HYCC1: variants seen among roughly 807,000 people sequenced by gnomAD.
HYCC1 encodes the protein hyccin PI4KA lipid kinase complex subunit 1.
At chr7:23,003,523 C>A in the HYCC1 span, among the ~76,000 whole-genome samples, 1 of 152,192 alleles carries the variant, frequency 6.6e-6, no homozygotes, top group Admixed American at 6.5e-5. Context: ...CTATCAATAA[C>A]CCCTCTTTCC....
At chr7:22,952,718 T>G in the HYCC1 span, among the ~76,000 whole-genome samples, 1 of 151,932 alleles carries the variant, frequency 6.6e-6, no homozygotes, top group Non-Finnish European at 1.5e-5. Context: ...GAGCATAAAC[T>G]GTGTCCCAAG....
chr7:22,964,709 C>A, the HYCC1 span, among the ~76,000 whole-genome samples: 2 of 152,024 alleles, frequency 1.3e-5, no homozygotes, highest in African/African-American at 4.8e-5. Context: ...TAAGTTATAC[C>A]AGGAAAAAAC....
At chr7:22,970,820 G>A in the HYCC1 span, among the ~76,000 whole-genome samples, 1 of 152,120 alleles carries the variant, frequency 6.6e-6, no homozygotes, top group Non-Finnish European at 1.5e-5. Flanking sequence ...AAAGCTATAT[G>A]CCACATGAAT....
At chr7:22,970,859 G>A in the HYCC1 span, among the ~76,000 whole-genome samples, 25 of 152,280 alleles carry the variant, frequency 1.6e-4, no homozygotes, top group African/African-American at 6.0e-4. Context: ...TCACGGCTAT[G>A]TCCTGAAGTT....
chr7:22,907,407 C>T, the HYCC1 span, among the ~76,000 whole-genome samples: 3 of 152,170 alleles, frequency 2.0e-5, no homozygotes, highest in African/African-American at 7.2e-5. Context: ...ATCACGGAAT[C>T]CCTCAGCCCC....
chr7:22,909,375 A>G, the HYCC1 span, among the ~76,000 whole-genome samples: 1 of 152,140 alleles, frequency 6.6e-6, no homozygotes, highest in African/African-American at 2.4e-5. Flanking sequence ...CCATAAGCAG[A>G]TGCTGGCACT....
At chr7:22,943,453 G>C in the HYCC1 span, 2 of 152,092 alleles carry the variant, frequency 1.3e-5, no homozygotes, top group Non-Finnish European at 2.9e-5. Flanking sequence ...CAAGATACCA[G>C]ATAATGCCAA....
chr7:22,945,536 G>A, the HYCC1 span: 1 of 1,356,606 alleles, frequency 7.4e-7, no homozygotes. Context: ...TCATAAAGAA[G>A]CAAAGTTGTA....
chr7:22,995,338 G>A, the HYCC1 span, among the ~76,000 whole-genome samples: 2 of 152,112 alleles, frequency 1.3e-5, no homozygotes, highest in Admixed American at 1.3e-4. Context: ...AACAACTCCT[G>A]CTTAAATCTT....
the HYCC1 span, among the ~76,000 whole-genome samples, chr7:22,911,220 G>C: frequency 3.3e-5 from 5 of 152,174 alleles, no homozygotes; most frequent in Non-Finnish European, 5.9e-5. Flanking sequence ...TGCTATCAAG[G>C]AAACAGGGGC....
At chr7:22,917,380 C>G in the HYCC1 span, among the ~76,000 whole-genome samples, 1 of 152,214 alleles carries the variant, frequency 6.6e-6, no homozygotes. Flanking sequence ...GAAATCTATT[C>G]TCAAGGAAAT....
At chr7:22,935,097 C>T in the HYCC1 span, 4 of 152,268 alleles carry the variant, frequency 2.6e-5, no homozygotes, top group African/African-American at 9.6e-5. Context: ...TTCTCTCTGG[C>T]GTTTTGTCTT....
chr7:22,959,238 T>C, the HYCC1 span, among the ~76,000 whole-genome samples: 7 of 152,194 alleles, frequency 4.6e-5, no homozygotes, highest in African/African-American at 1.4e-4. Context: ...ATAATCATTA[T>C]TGTTTTCTGA....
At chr7:22,951,881 T>C in the HYCC1 span, among the ~76,000 whole-genome samples, 1 of 151,900 alleles carries the variant, frequency 6.6e-6, no homozygotes, top group African/African-American at 2.4e-5. Context: ...CATGAAAACA[T>C]ACATGCATAG....
the HYCC1 span, among the ~76,000 whole-genome samples, chr7:22,973,499 T>A: frequency 6.6e-6 from 1 of 152,146 alleles, no homozygotes; most frequent in Non-Finnish European, 1.5e-5. Context: ...TTTGATAGAG[T>A]TCCTCTAATA....
At chr7:22,979,354 C>T in the HYCC1 span, among the ~76,000 whole-genome samples, 1 of 152,168 alleles carries the variant, frequency 6.6e-6, no homozygotes, top group Non-Finnish European at 1.5e-5. Flanking sequence ...TAACTTCTGA[C>T]AGTTAATCTT....
the HYCC1 span, among the ~76,000 whole-genome samples, chr7:22,989,285 A>AAC: frequency 0.17 from 25,047 of 148,266 alleles, 2,087 homozygotes; most frequent in East Asian, 0.28. Flanking sequence ...ACAAGCAGGA[A>AAC]ACACACACAC....
At chr7:22,988,092 T>C in the HYCC1 span, among the ~76,000 whole-genome samples, 4 of 149,942 alleles carry the variant, frequency 2.7e-5, no homozygotes, top group Admixed American at 6.6e-5. Context: ...CTGATAACCT[T>C]CTTCTCTTTG....
chr7:22,935,114 T>A, the HYCC1 span: 1 of 152,156 alleles, frequency 6.6e-6, no homozygotes, highest in African/African-American at 2.4e-5. Context: ...TCTTCTAGAG[T>A]CCTGTTTAGC....
Sources: gnomAD v4.1 joint callset for allele counts (sites outside exome capture counted in the v4.1 genomes callset) on GRCh38, gnomAD v4.1.1 for gene constraint, MANE v1.5 for transcripts, NCBI Gene and HGNC (gene_info 2026-07-23, HGNC 2026-07-21) for gene names.